ADCY10: variants seen among roughly 807,000 people sequenced by gnomAD.
ADCY10 encodes the protein adenylate cyclase 10, also known as adenylate cyclase type 10.
Under a neutral mutation model 183.3 loss-of-function variants are expected in ADCY10, and 156 were observed. That is an observed-to-expected ratio of 0.85 (90% CI 0.75 to 0.97). The LOEUF (loss-of-function observed/expected upper bound fraction) is 0.97. Ranked by LOEUF, ADCY10 falls within the 50% of genes least tolerant of loss-of-function variation. The pLI is 0.00. For synonymous variants in ADCY10, 645 were observed against 670.0 expected (o/e 0.96, Z 0.58); for missense variants, 1,745 against 1,934.3 (o/e 0.90, Z 1.84).
intron 1 of ADCY10, among the ~76,000 whole-genome samples, chr1:167,912,035 T>A (rs1670176910): frequency 6.6e-6 from 1 of 152,130 alleles, no homozygotes; most frequent in African/African-American, 2.4e-5. Flanking sequence ...ACAATAGAAA[T>A]TTTCTATTTT....
rs766325162 is a variant in ADCY10 at position 167,824,566 on chromosome 1, C to T, written c.3962G>A (p.Arg1321Gln). The change falls in exon 28 of 33, where the codon CGA (arginine) becomes CAA (glutamine). Residue 1321 changes from arginine (R) to glutamine (Q), a missense_variant. Arg to Gln is a conservative substitution (Grantham distance 43, BLOSUM62 1). Transcript: ENST00000367851. Reference protein sequence around the residue: ...HLDLAIELGSRALQMWALLQN... With the variant: ...HLDLAIELGSQALQMWALLQN... Reference sequence around the variant, plus strand: ...GAGCAGTGCCCACATCTGAAGGGCTCGGGAGCCTGGGAAGAAAACAATTCC... The same window carrying T: ...GAGCAGTGCCCACATCTGAAGGGCTTGGGAGCCTGGGAAGAAAACAATTCC... 10 of 1,614,108 alleles carry T rather than the reference C, an allele frequency of 6.2e-6. No homozygotes were observed. The highest frequency in any genetic ancestry group is 1.7e-4 in the Middle Eastern group (1 of 6,058).
Position 167,883,425 on chromosome 1 carries a change from G to A in ADCY10, c.1020+12C>T. ...ACTATTGGTAGGTTCCCATCCCATA[G>A]TTCACACTTACCTTGTCAAACATGA... On this transcript the variant is annotated intron_variant, in intron 9 of 32. Coordinates refer to ENST00000367851, the MANE Select transcript of ADCY10 (RefSeq NM_018417.6). 2 of 1,613,972 alleles carry A rather than the reference G, an allele frequency of 1.2e-6. No individual in the cohort carries two copies. The highest frequency in any genetic ancestry group is 1.7e-5 in the Admixed American group (1 of 60,022).
intron 30 of ADCY10, 40 bp from the exon 31 acceptor site, chr1:167,818,307 C>A: frequency 6.4e-7 from 1 of 1,565,916 alleles, no homozygotes; most frequent in South Asian, 1.1e-5. Flanking sequence ...CAGTATCACC[C>A]ATTAGGAATA....
At position 167,911,200 on chromosome 1, in the gene ADCY10, G is replaced by T. The variant is rs566525526; in HGVS notation, c.-59+2776C>A. Among the ~76,000 whole-genome samples, 19 of 152,332 alleles carry T rather than the reference G, an allele frequency of 1.2e-4. No individual in the cohort carries two copies. In the South Asian group the frequency reaches 3.9e-3, roughly 32 times the overall value. ...GTGTTGAATAGCTATCTACCTGTGA[G>T]GGTAGAGGTATAAAAAGTAAAGTAG... On this transcript the variant is annotated intron_variant, in intron 1 of 32. Transcript: ENST00000367851.
intron 3 of ADCY10, 44 bp downstream of exon 3, chr1:167,903,843 T>C (rs1230768368): frequency 2.1e-6 from 3 of 1,402,274 alleles, no homozygotes; most frequent in Non-Finnish European, 3.0e-6. Context: ...GAAAAAACAA[T>C]GAATTGAAAT....
At chr1:167,861,227 C>T (rs1315916442) in intron 14 of ADCY10, among the ~76,000 whole-genome samples, 164 bp from the exon 15 acceptor site, 1 of 152,112 alleles carries the variant, frequency 6.6e-6, no homozygotes, top group Admixed American at 6.5e-5. Flanking sequence ...GATATACTCC[C>T]TCTTCTCCTG....
intron 18 of ADCY10, 88 bp from the exon 19 acceptor site, chr1:167,848,577 T>G: frequency 1.4e-6 from 2 of 1,418,358 alleles, no homozygotes; most frequent in Non-Finnish European, 2.0e-6. Context: ...ATGGATCTCA[T>G]ATGAGGAAGA....
chr1:167,856,997 A>C (rs148737762), intron 16 of ADCY10, among the ~76,000 whole-genome samples: 1 of 152,200 alleles, frequency 6.6e-6, no homozygotes, highest in African/African-American at 2.4e-5. Context: ...TCTCATATAG[A>C]CTACCCTCCC....
intron 30 of ADCY10, among the ~76,000 whole-genome samples, chr1:167,821,488 TG>T (rs1571217599): frequency 6.6e-6 from 1 of 152,136 alleles, no homozygotes; most frequent in East Asian, 1.9e-4. Flanking sequence ...CAACAGGGAG[TG>T]TGATACTGAT....
chr1:167,833,037 G>GT lies in ADCY10; in HGVS notation c.3542dup (p.Asn1181LysfsTer40), dbSNP rs1486684034. ...GCCGATTCACATAATGAAAGTGTCT[G>GT]TTTTTCTCGACATGGATATGGAGAA... On this transcript the variant is annotated frameshift_variant, in exon 25 of 33. Coordinates refer to ENST00000367851, the MANE Select transcript of ADCY10 (RefSeq NM_018417.6). LOFTEE classifies it high-confidence loss of function. 6.2e-7 allele frequency: 1 copy of GT among 1,614,036 alleles called. No homozygotes were observed. The highest frequency in any genetic ancestry group is 1.3e-5 in the African/African-American group (1 of 74,924).
At chr1:167,869,592 C>T (rs1327312126) in intron 14 of ADCY10, among the ~76,000 whole-genome samples, 1 of 152,218 alleles carries the variant, frequency 6.6e-6, no homozygotes, top group Non-Finnish European at 1.5e-5. Context: ...GACCCCTGAC[C>T]TAGCAACTGT....
chr1:167,848,578 A>G lies in ADCY10; in HGVS notation c.2309-89T>C, dbSNP rs1665233370. ...CAATGAACTTTGAGATGGATCTCATATGAGGAAGACTGGGCAGAGATGTAT... is the reference window on the plus strand; with the variant it reads ...CAATGAACTTTGAGATGGATCTCATGTGAGGAAGACTGGGCAGAGATGTAT... On this transcript the variant is annotated intron_variant, in intron 18 of 32. Transcript: ENST00000367851. 2.1e-6 allele frequency: 3 copies of G among 1,424,652 alleles called. No homozygotes were observed. The Admixed American group carries it at 5.0e-5, about 24-fold the overall frequency. The allele number at this position is 1,424,652 out of a possible 1,614,324, so 88.3% of individuals were successfully genotyped here.
chr1:167,829,556 A>G (rs950390044), intron 25 of ADCY10, 133 bp from the exon 26 acceptor site: 2 of 962,884 alleles, frequency 2.1e-6, no homozygotes, highest in South Asian at 2.8e-5. Context: ...GCCTGTCTCC[A>G]TGACTGACAA....
chr1:167,909,688 G>T (rs900661629), intron 1 of ADCY10, among the ~76,000 whole-genome samples: 3 of 152,066 alleles, frequency 2.0e-5, no homozygotes, highest in Non-Finnish European at 4.4e-5. Flanking sequence ...AGTAGATCTT[G>T]CTAAACAGCT....
At chr1:167,888,954 A>C (rs1323099072) in intron 8 of ADCY10, among the ~76,000 whole-genome samples, 1 of 151,812 alleles carries the variant, frequency 6.6e-6, no homozygotes, top group Non-Finnish European at 1.5e-5. Flanking sequence ...GACCTTGTTG[A>C]ATTTGTGTAT....
At chr1:167,860,001 A>C (rs1287396580) in intron 15 of ADCY10, 108 bp from the exon 16 acceptor site, 4 of 878,182 alleles carry the variant, frequency 4.6e-6, no homozygotes, top group African/African-American at 1.7e-5. Context: ...TAAAATCCTC[A>C]TGTGTTAGAT....
intron 8 of ADCY10, among the ~76,000 whole-genome samples, chr1:167,888,510 T>C (rs1448385949): frequency 6.6e-6 from 1 of 152,188 alleles, no homozygotes; most frequent in East Asian, 1.9e-4. Context: ...TACTTTATTT[T>C]ATTTTTAGCT....
At chr1:167,811,141 A>G (rs1662179998) in intron 31 of ADCY10, among the ~76,000 whole-genome samples, 1 of 152,210 alleles carries the variant, frequency 6.6e-6, no homozygotes, top group Admixed American at 6.5e-5. Flanking sequence ...AGATCCCATC[A>G]TTACTTCTCT....
chr1:167,901,158 A>G (rs1307761796), intron 5 of ADCY10, among the ~76,000 whole-genome samples: 2 of 152,210 alleles, frequency 1.3e-5, no homozygotes, highest in African/African-American at 4.8e-5. Flanking sequence ...TGTGACTATT[A>G]CTATATTATA....
Sources: allele counts gnomAD v4.1 joint callset (sites outside exome capture counted in the v4.1 genomes callset), GRCh38; gene constraint gnomAD v4.1.1; transcripts MANE v1.5; gene names NCBI Gene and HGNC (gene_info 2026-07-23, HGNC 2026-07-21).